Variants in ZYG11B observed in about 807,000 individuals in gnomAD.
ZYG11B encodes zyg-11 family member B, cell cycle regulator.
In ZYG11B, 36 loss-of-function variants were observed where a neutral mutation model predicts 82.4. That is an observed-to-expected ratio of 0.44 (90% CI 0.33 to 0.58). ZYG11B has a LOEUF of 0.58. Among genes scored for constraint, ZYG11B ranks in the 20% least tolerant of loss-of-function variants. The pLI is 0.02. For synonymous variants in ZYG11B, 303 were observed against 312.8 expected, an observed-to-expected ratio of 0.97 and a Z score of 0.33; for missense variants, 552 against 895.6, an observed-to-expected ratio of 0.62 and a Z score of 4.90.
At chr1:52,752,348 G>A (rs1303212522) in intron 1 of ZYG11B, among the ~76,000 whole-genome samples, 1 of 152,186 alleles carries the variant, frequency 6.6e-6, no homozygotes, top group African/African-American at 2.4e-5. Context: ...AAGCTTCCAT[G>A]CCTCCTCCAG....
intron 1 of ZYG11B, among the ~76,000 whole-genome samples, chr1:52,752,555 T>C (rs1644535440): frequency 6.6e-6 from 1 of 152,236 alleles, no homozygotes; most frequent in Admixed American, 6.5e-5. Context: ...TCCTGAATTC[T>C]GTGAGTCATA....
intron 8 of ZYG11B, 45 bp downstream of exon 8, chr1:52,796,829 T>A: frequency 7.8e-7 from 1 of 1,278,622 alleles, no homozygotes. Context: ...ATATTCATGT[T>A]TATTGTTTTC....
chr1:52,750,736 T>C (rs1267791554), intron 1 of ZYG11B, among the ~76,000 whole-genome samples: 2 of 152,172 alleles, frequency 1.3e-5, no homozygotes, highest in Non-Finnish European at 2.9e-5. Context: ...AAAGAAGCCC[T>C]GTGCCCACTA....
At chr1:52,782,620 C>T (rs1644866185) in intron 4 of ZYG11B, among the ~76,000 whole-genome samples, 1 of 151,970 alleles carries the variant, frequency 6.6e-6, no homozygotes. Context: ...CTCTGTCACC[C>T]AGGCTGAAGT....
At chr1:52,812,932 G>A (rs1443139138) in intron 10 of ZYG11B, among the ~76,000 whole-genome samples, 1 of 152,020 alleles carries the variant, frequency 6.6e-6, no homozygotes, top group Non-Finnish European at 1.5e-5. Flanking sequence ...TCTCCATGTT[G>A]GCCAGGCTTG....
At chr1:52,744,463 C>T (rs1426596645) in intron 1 of ZYG11B, among the ~76,000 whole-genome samples, 1 of 152,210 alleles carries the variant, frequency 6.6e-6, no homozygotes, top group Non-Finnish European at 1.5e-5. Flanking sequence ...TAGGATAGAA[C>T]TGAGTGTCAG....
chr1:52,756,657 T>TGCTGTTAATTAGATTTGTGC, intron 2 of ZYG11B, 34 bp downstream of exon 2: 1 of 1,582,398 alleles, frequency 6.3e-7, no homozygotes, highest in South Asian at 1.1e-5. Flanking sequence ...AAAAATTATG[T>TGCTGTTAATTAGATTTGTGC]GCTGTTAATT....
chr1:52,821,421 T>C lies in ZYG11B; in HGVS notation c.2045-18T>C. On this transcript the variant is annotated intron_variant, in intron 13 of 13. Coordinates refer to ENST00000294353, the MANE Select transcript of ZYG11B (RefSeq NM_024646.3). ...AGCTATTTCTCCTGTTTTGTGTGTG[T>C]TTTTTTTTCTTTTTCAGCTTCAAGG... is the stretch of plus-strand genomic sequence containing the variant. 2.0e-6 allele frequency: 3 copies of C among 1,513,608 alleles called. No homozygotes were observed. The highest frequency in any genetic ancestry group is 2.7e-6 in the Non-Finnish European group (3 of 1,126,420). 93.8% of individuals were successfully genotyped at this position (1,513,608 alleles called of 1,614,324 possible). A position where few individuals can be genotyped will look rare whatever the true frequency, so the allele number is the denominator to read the frequency against.
chr1:52,744,415 G>A, intron 1 of ZYG11B, among the ~76,000 whole-genome samples: 1 of 152,126 alleles, frequency 6.6e-6, no homozygotes, highest in East Asian at 1.9e-4. Flanking sequence ...CTGTTGTTAA[G>A]CAACACATGA....
intron 10 of ZYG11B, among the ~76,000 whole-genome samples, chr1:52,803,772 G>C (rs180978607): frequency 5.3e-5 from 8 of 152,064 alleles, no homozygotes; most frequent in Non-Finnish European, 1.2e-4. Flanking sequence ...CAGCTTATTT[G>C]TTTATTTATT....
intron 4 of ZYG11B, among the ~76,000 whole-genome samples, chr1:52,784,602 G>T (rs746140723): frequency 7.9e-5 from 12 of 152,148 alleles, no homozygotes; most frequent in Non-Finnish European, 1.3e-4. Flanking sequence ...GGCACCATAA[G>T]TAGGTCTTGG....
chr1:52,771,987 A>G lies in ZYG11B; in HGVS notation c.951+213A>G, dbSNP rs1422257716. Among the ~76,000 whole-genome samples the G allele has an allele frequency of 6.6e-6, 1 of 152,208 alleles. No individual in the cohort carries two copies. Among genetic ancestry groups the G allele is most frequent in the Non-Finnish European group, 1.5e-5 (1 of 68,044 alleles). ...GAGTTTTTATTTATTTGTAGAATAG[A>G]TATTATTCTTACCTTGCAGAATTCT... On this transcript the variant is annotated intron_variant, in intron 3 of 13. Coordinates refer to ENST00000294353, the MANE Select transcript of ZYG11B (RefSeq NM_024646.3). This position sits in a 1 kb window ranked among gnomAD's most constrained non-coding sequence, Gnocchi z 5.4.
chr1:52,779,104 G>A (rs1644833313), intron 3 of ZYG11B, among the ~76,000 whole-genome samples: 1 of 152,146 alleles, frequency 6.6e-6, no homozygotes, highest in Admixed American at 6.5e-5. Context: ...AATTAGTCAG[G>A]TAAAGAGAGA....
intron 5 of ZYG11B, among the ~76,000 whole-genome samples, chr1:52,787,547 C>T (rs1227921101): frequency 6.6e-6 from 1 of 152,150 alleles, no homozygotes. Context: ...CAGTAGTATT[C>T]ACTGTATTAT....
intron 3 of ZYG11B, among the ~76,000 whole-genome samples, chr1:52,779,192 GA>G (rs367604431): frequency 2.0e-5 from 3 of 152,056 alleles, no homozygotes; most frequent in African/African-American, 7.2e-5. Context: ...GAAAGGTGAG[GA>G]AAAAAGGTCA....
chr1:52,813,447 T>A (rs974256983), intron 10 of ZYG11B, 89 bp from the exon 11 acceptor site: 2 of 972,692 alleles, frequency 2.1e-6, no homozygotes, highest in African/African-American at 3.3e-5. Flanking sequence ...CCTTCCTGAA[T>A]TGCCTGTTAT....
intron 1 of ZYG11B, among the ~76,000 whole-genome samples, chr1:52,746,261 C>T (rs558303653): frequency 1.3e-5 from 2 of 152,294 alleles, no homozygotes; most frequent in Non-Finnish European, 2.9e-5. Flanking sequence ...GAATATTTAA[C>T]TCTTTAAGTT....
At chr1:52,794,892 C>T (rs1364845632) in intron 6 of ZYG11B, among the ~76,000 whole-genome samples, 2 of 152,188 alleles carry the variant, frequency 1.3e-5, no homozygotes, top group East Asian at 1.9e-4. Context: ...TGATTTCTCT[C>T]CTGAATTACT....
chr1:52,817,755 AG>A (rs1339395594), intron 13 of ZYG11B, among the ~76,000 whole-genome samples: 3 of 128,760 alleles, frequency 2.3e-5, no homozygotes, highest in Non-Finnish European at 5.0e-5. Context: ...CCACTTTAAT[AG>A]TAAAGTGTGT....
Sources: allele counts gnomAD v4.1 joint callset (sites outside exome capture counted in the v4.1 genomes callset), GRCh38; gene constraint gnomAD v4.1.1; non-coding constraint Gnocchi (gnomAD v3.1); transcripts MANE v1.5; gene names NCBI Gene and HGNC (gene_info 2026-07-23, HGNC 2026-07-21).